Variants in PCNX2 observed in about 807,000 individuals in gnomAD.
The protein encoded by PCNX2 is pecanex 2.
PCNX2 carries 168 observed loss-of-function variants against 223.8 expected under a neutral mutation model. The observed-to-expected ratio is 0.75, with a 90% confidence interval of 0.66 to 0.85. The LOEUF (loss-of-function observed/expected upper bound fraction) is 0.85. Ranked by LOEUF, PCNX2 falls within the 40% of genes least tolerant of loss-of-function variation. The pLI is 0.00. For missense variants in PCNX2, 2,507 were observed against 2,675.5 expected, an observed-to-expected ratio of 0.94 and a Z score of 1.39; for synonymous variants, 1,006 against 1,052.6, an observed-to-expected ratio of 0.96 and a Z score of 0.86.
intron 23 of PCNX2, among the ~76,000 whole-genome samples, chr1:233,080,403 C>A (rs28442877): frequency 1.5e-3 from 134 of 90,012 alleles, no homozygotes; most frequent in African/African-American, 0.011. Flanking sequence ...CACACACAAA[C>A]ACACACACAC....
chr1:233,112,874 A>G lies in PCNX2; in HGVS notation c.3838-17011T>C. On this transcript the variant is annotated intron_variant, in intron 21 of 33. Transcript: ENST00000258229. The stretch of plus-strand genomic sequence containing the variant: ...AAGGCTGAAGGGCAGAGGAGTTACT[A>G]GCGTGTATTTCAGCCCCTCCCATGA... 2.3e-6 allele frequency: 3 copies of G among 1,289,100 alleles called. No individual in the cohort carries two copies. The South Asian group carries it at 3.7e-5, about 16-fold the overall frequency. 79.9% of individuals were successfully genotyped at this position (1,289,100 alleles called of 1,614,324 possible).
intron 1 of PCNX2, chr1:233,291,943 C>A (rs1661790338): frequency 1.0e-6 from 1 of 985,260 alleles, no homozygotes; most frequent in Non-Finnish European, 1.2e-6. Flanking sequence ...GAAAACTGCT[C>A]TGAATACTCT....
At chr1:233,157,945 T>C (rs923491159) in intron 19 of PCNX2, among the ~76,000 whole-genome samples, 1 of 152,102 alleles carries the variant, frequency 6.6e-6, no homozygotes, top group Non-Finnish European at 1.5e-5. Context: ...TGCCTGACAC[T>C]GTGTAAGCAA....
chr1:233,204,156 AAT>A lies in PCNX2; in HGVS notation c.2864-3894_2864-3893del, dbSNP rs1681307489. 2.0e-5 allele frequency among the ~76,000 whole-genome samples: 3 copies of A among 152,282 alleles called. No homozygotes were observed. The Middle Eastern group carries it at 0.01, about 518-fold the overall frequency. On this transcript the variant is annotated intron_variant, in intron 13 of 33. Transcript: ENST00000258229. ...TTAGGGTCCATCTGGACCCTAATTC[AAT>A]ATGACTGGTGTCCTTATGAAAAGGA...
chr1:233,074,706 A>G (rs1673017866), intron 23 of PCNX2, among the ~76,000 whole-genome samples: 1 of 152,030 alleles, frequency 6.6e-6, no homozygotes, highest in African/African-American at 2.4e-5. Context: ...TGAAATAGGT[A>G]AGAAATTCTC....
intron 15 of PCNX2, chr1:233,180,737 G>T (rs540330700): frequency 1.2e-4 from 18 of 152,188 alleles, no homozygotes; most frequent in African/African-American, 4.3e-4. Flanking sequence ...CTAAACGCCC[G>T]AGAGCAGTAC....
At chr1:233,057,380 A>C in intron 23 of PCNX2, 90 bp from the exon 24 acceptor site, 1 of 984,336 alleles carries the variant, frequency 1.0e-6, no homozygotes, top group Non-Finnish European at 1.6e-6. Flanking sequence ...TGAGTGGAAA[A>C]TGCAAAGGTG....
At chr1:233,265,372 C>T (rs1660274491) in intron 1 of PCNX2, among the ~76,000 whole-genome samples, 1 of 152,192 alleles carries the variant, frequency 6.6e-6, no homozygotes, top group Non-Finnish European at 1.5e-5. Context: ...CTCTCCTCTT[C>T]ATTTCCTAGC....
chr1:233,271,431 C>A (rs12135534), intron 1 of PCNX2, among the ~76,000 whole-genome samples: 15,088 of 152,090 alleles, frequency 0.099, 915 homozygotes, highest in South Asian at 0.19. Flanking sequence ...AGTTCATTAC[C>A]ACCAAGTTCC....
Position 233,290,930 on chromosome 1 carries a change from G to A in PCNX2, c.153+4396C>T, listed in dbSNP as rs1294327. ...TGGAAAATTAAGTCTAATGTTGCCC[G>A]GCATGGGGTCTTGAAGGATGTGAAA... On this transcript the variant is annotated intron_variant, in intron 1 of 33. Coordinates refer to ENST00000258229, the MANE Select transcript of PCNX2 (RefSeq NM_014801.4). The A allele has an allele frequency of 1.3e-5, 13 of 985,036 alleles. No individual in the cohort carries two copies. In the Admixed American group the frequency reaches 1.8e-4, roughly 14 times the overall value. 61.0% of individuals were successfully genotyped at this position (985,036 alleles called of 1,614,324 possible). A position where few individuals can be genotyped will look rare whatever the true frequency, so the allele number is the denominator to read the frequency against.
chr1:233,225,625 C>T (rs1159944996), intron 10 of PCNX2, among the ~76,000 whole-genome samples: 2 of 152,230 alleles, frequency 1.3e-5, no homozygotes, highest in African/African-American at 4.8e-5. Context: ...CGGTCATCCT[C>T]ATCATCCTTC....
At chr1:233,147,064 G>A (rs1393394517) in intron 19 of PCNX2, among the ~76,000 whole-genome samples, 1 of 152,204 alleles carries the variant, frequency 6.6e-6, no homozygotes, top group African/African-American at 2.4e-5. Flanking sequence ...ATATTTCAGA[G>A]TGAAATACTT....
At chr1:233,172,428 CTT>C (rs1192304243) in intron 17 of PCNX2, 22 of 985,304 alleles carry the variant, frequency 2.2e-5, no homozygotes, top group Middle Eastern at 5.2e-4. Context: ...TCCATGCAAA[CTT>C]ATGACTTCTC....
intron 5 of PCNX2, among the ~76,000 whole-genome samples, chr1:233,254,128 A>G (rs966886818): frequency 1.3e-5 from 2 of 152,236 alleles, no homozygotes; most frequent in South Asian, 2.1e-4. Context: ...TATATAACAA[A>G]GTTATTCATC....
the PCNX2 span, among the ~76,000 whole-genome samples, chr1:233,300,893 G>T: frequency 1.3e-5 from 2 of 152,100 alleles, no homozygotes; most frequent in East Asian, 1.9e-4. Flanking sequence ...GCCCTCATCT[G>T]CCAGTTTGCT....
intron 21 of PCNX2, among the ~76,000 whole-genome samples, chr1:233,130,308 A>G (rs1238482308): frequency 1.3e-5 from 2 of 149,386 alleles, no homozygotes; most frequent in Non-Finnish European, 3.0e-5. Flanking sequence ...TACCCCCTCA[A>G]CCCCCCCACC....
intron 23 of PCNX2, among the ~76,000 whole-genome samples, chr1:233,079,414 A>G (rs1436253600): frequency 6.6e-6 from 1 of 151,644 alleles, no homozygotes; most frequent in Non-Finnish European, 1.5e-5. Context: ...AATCCCAACT[A>G]CTTGGGAGGC....
At chr1:233,027,031 T>C (rs1671101650) in intron 25 of PCNX2, among the ~76,000 whole-genome samples, 3 of 152,186 alleles carry the variant, frequency 2.0e-5, no homozygotes, top group Admixed American at 1.3e-4. Flanking sequence ...AAGTAAACTC[T>C]GAGCATTCCG....
At chr1:233,163,343 C>T (rs1053231148) in intron 17 of PCNX2, among the ~76,000 whole-genome samples, 19 of 151,738 alleles carry the variant, frequency 1.3e-4, no homozygotes, top group African/African-American at 2.9e-4. Flanking sequence ...AAAAATTAGC[C>T]GGTTGTGGTG....
Sources: allele counts gnomAD v4.1 joint callset (sites outside exome capture counted in the v4.1 genomes callset), GRCh38; gene constraint gnomAD v4.1.1; transcripts MANE v1.5; gene names NCBI Gene and HGNC (gene_info 2026-07-23, HGNC 2026-07-21).